ZCCHC7: variants seen among roughly 807,000 people sequenced by gnomAD.
The protein encoded by ZCCHC7 is zinc finger CCHC domain-containing protein 7.
In ZCCHC7, 35 loss-of-function variants were observed where a neutral mutation model predicts 52.0. The ratio of observed to expected loss-of-function variants is 0.67; its 90% CI spans 0.51 to 0.89. ZCCHC7 has a LOEUF of 0.89. Ranked by LOEUF, ZCCHC7 falls within the 40% of genes least tolerant of loss-of-function variation. ZCCHC7 has a pLI of 0.00. For synonymous variants in ZCCHC7, 217 were observed against 221.5 expected (o/e 0.98, Z 0.18); for missense variants, 574 against 649.1 (o/e 0.88, Z 1.26).
intron 2 of ZCCHC7, among the ~76,000 whole-genome samples, chr9:37,169,652 G>A (rs1239690143): frequency 6.6e-6 from 1 of 151,966 alleles, no homozygotes. Flanking sequence ...TTATAACATG[G>A]GGTTTTTGTT....
At chr9:37,273,640 T>C (rs1827541601) in intron 2 of ZCCHC7, among the ~76,000 whole-genome samples, 1 of 152,266 alleles carries the variant, frequency 6.6e-6, no homozygotes, top group South Asian at 2.1e-4. Context: ...GGAATTATTA[T>C]ATGAATTCTT....
chr9:37,245,597 T>TA (rs1222715910), intron 2 of ZCCHC7, among the ~76,000 whole-genome samples: 1 of 151,968 alleles, frequency 6.6e-6, no homozygotes, highest in Non-Finnish European at 1.5e-5. Context: ...AATGGATACT[T>TA]ACAATACAAA....
At chr9:37,179,319 TG>T (rs1372677515) in intron 2 of ZCCHC7, among the ~76,000 whole-genome samples, 1 of 152,188 alleles carries the variant, frequency 6.6e-6, no homozygotes, top group East Asian at 1.9e-4. Flanking sequence ...GCAGATGCAG[TG>T]GGTGAACAAT....
At chr9:37,134,175 G>A (rs569481382) in intron 2 of ZCCHC7, among the ~76,000 whole-genome samples, 1 of 151,726 alleles carries the variant, frequency 6.6e-6, no homozygotes, top group African/African-American at 2.4e-5. Context: ...ATTTGAATTC[G>A]ATCCAATCCA....
intron 2 of ZCCHC7, among the ~76,000 whole-genome samples, chr9:37,153,531 C>T (rs1340729515): frequency 6.6e-6 from 1 of 151,934 alleles, no homozygotes; most frequent in East Asian, 1.9e-4. Context: ...CCAGGCTGGT[C>T]TCGAACTCCT....
At chr9:37,289,930 C>G (rs534149088) in intron 2 of ZCCHC7, among the ~76,000 whole-genome samples, 4 of 152,318 alleles carry the variant, frequency 2.6e-5, no homozygotes, top group African/African-American at 7.2e-5. Context: ...ATGGCTAATT[C>G]TTCCATCTCC....
At chr9:37,295,427 C>A (rs1230791205) in intron 2 of ZCCHC7, among the ~76,000 whole-genome samples, 1 of 152,106 alleles carries the variant, frequency 6.6e-6, no homozygotes, top group Non-Finnish European at 1.5e-5. Context: ...CCATTCAGGG[C>A]AGAATGTATT....
At chr9:37,195,912 A>G (rs1014742903) in intron 2 of ZCCHC7, among the ~76,000 whole-genome samples, 4 of 152,172 alleles carry the variant, frequency 2.6e-5, no homozygotes, top group Non-Finnish European at 5.9e-5. Context: ...AATGGAGAGA[A>G]GAGAGATTGT....
intron 2 of ZCCHC7, among the ~76,000 whole-genome samples, chr9:37,176,904 T>C (rs540309404): frequency 5.9e-5 from 9 of 152,332 alleles, no homozygotes; most frequent in African/African-American, 1.9e-4. Flanking sequence ...AGTCAATATA[T>C]AGAGATAAGG....
chr9:37,338,404 T>G (rs978862333), intron 6 of ZCCHC7, among the ~76,000 whole-genome samples: 1 of 152,188 alleles, frequency 6.6e-6, no homozygotes, highest in Non-Finnish European at 1.5e-5. Context: ...AAAGATACAA[T>G]GATGTAATCC....
intron 2 of ZCCHC7, among the ~76,000 whole-genome samples, chr9:37,290,227 T>C (rs1828468913): frequency 1.3e-5 from 2 of 152,248 alleles, no homozygotes; most frequent in Non-Finnish European, 2.9e-5. Flanking sequence ...TGAGTTAATA[T>C]TTGTTGAATA....
chr9:37,238,580 A>G (rs1393691912), intron 2 of ZCCHC7, among the ~76,000 whole-genome samples: 1 of 152,084 alleles, frequency 6.6e-6, no homozygotes, highest in Non-Finnish European at 1.5e-5. Flanking sequence ...TTCCCGATCC[A>G]CTTGATGTCC....
chr9:37,147,585 A>T (rs530494466), intron 2 of ZCCHC7: 1 of 151,962 alleles, frequency 6.6e-6, no homozygotes, highest in African/African-American at 2.4e-5. Context: ...CTGCTAGTTA[A>T]ATTTTATATT....
At chr9:37,137,298 AG>A (rs1439452036) in intron 2 of ZCCHC7, among the ~76,000 whole-genome samples, 46 of 152,352 alleles carry the variant, frequency 3.0e-4, no homozygotes, top group African/African-American at 1.1e-3. Context: ...GCAAAGTACA[AG>A]ACTGAATTGA....
At chr9:37,230,249 C>T (rs193117501) in intron 2 of ZCCHC7, among the ~76,000 whole-genome samples, 193 of 152,278 alleles carry the variant, frequency 1.3e-3, no homozygotes, top group African/African-American at 4.3e-3. Context: ...GTATTATGTA[C>T]TGTGCATAAT....
chr9:37,347,697 C>T (rs1368125129), intron 6 of ZCCHC7, among the ~76,000 whole-genome samples: 2 of 152,002 alleles, frequency 1.3e-5, no homozygotes, highest in African/African-American at 2.4e-5. Flanking sequence ...GATTTCTTTG[C>T]TCTTTTTGTA....
chr9:37,272,051 A>G (rs887998120), intron 2 of ZCCHC7, among the ~76,000 whole-genome samples: 1 of 152,202 alleles, frequency 6.6e-6, no homozygotes, highest in Non-Finnish European at 1.5e-5. Context: ...TTCAACTTTC[A>G]TATGTTTGAA....
At chr9:37,220,699 A>G (rs1295531475) in intron 2 of ZCCHC7, among the ~76,000 whole-genome samples, 2 of 152,166 alleles carry the variant, frequency 1.3e-5, no homozygotes, top group Non-Finnish European at 2.9e-5. Context: ...TTGAGGGATA[A>G]GGAAGACTCG....
intron 6 of ZCCHC7, among the ~76,000 whole-genome samples, chr9:37,348,982 A>T (rs1050887364): frequency 6.6e-6 from 1 of 152,090 alleles, no homozygotes; most frequent in Non-Finnish European, 1.5e-5. Context: ...CTGGTGGGGG[A>T]GTCCCCCTCA....
Sources: allele counts gnomAD v4.1 joint callset (sites outside exome capture counted in the v4.1 genomes callset), GRCh38; gene constraint gnomAD v4.1.1; transcripts MANE v1.5; gene names NCBI Gene and HGNC (gene_info 2026-07-23, HGNC 2026-07-21).